Variants in IQSEC1 observed in about 807,000 individuals in gnomAD.
IQSEC1 encodes the protein IQ motif and SEC7 domain-containing protein 1.
In IQSEC1, 31 loss-of-function variants were observed where a neutral mutation model predicts 91.0. The ratio of observed to expected loss-of-function variants is 0.34; its 90% CI spans 0.26 to 0.46. The LOEUF is 0.46. Among genes scored for constraint, IQSEC1 ranks in the 20% least tolerant of loss-of-function variants. The pLI, the probability that IQSEC1 is intolerant of heterozygous loss-of-function variation, is 1.00. For missense variants in IQSEC1, 1,388 were observed against 1,575.6 expected (o/e 0.88, Z 2.02); for synonymous variants, 699 against 662.6 (o/e 1.05, Z -0.84).
intron 1 of IQSEC1, among the ~76,000 whole-genome samples, chr3:13,175,796 G>A (rs1378904311): frequency 2.0e-5 from 3 of 152,234 alleles, no homozygotes; most frequent in Non-Finnish European, 4.4e-5. Context: ...TCCTCATATG[G>A]TGGAAGAGGC....
chr3:13,099,327 G>A (rs1022815786), intron 2 of IQSEC1, among the ~76,000 whole-genome samples: 15 of 152,220 alleles, frequency 9.9e-5, no homozygotes, highest in African/African-American at 3.4e-4. Context: ...ATGAGGTTTC[G>A]GGTGTGCAGG....
At chr3:13,143,404 A>C (rs1706833521) in intron 2 of IQSEC1, among the ~76,000 whole-genome samples, 1 of 152,224 alleles carries the variant, frequency 6.6e-6, no homozygotes, top group African/African-American at 2.4e-5. Flanking sequence ...GTTACACAGA[A>C]GCCAGCGGGT....
intron 1 of IQSEC1, among the ~76,000 whole-genome samples, chr3:12,943,057 T>G (rs1486580098): frequency 2.0e-5 from 3 of 152,172 alleles, no homozygotes; most frequent in Non-Finnish European, 4.4e-5. Flanking sequence ...GTATATACAT[T>G]TTCTCTAAAT....
chr3:13,187,235 A>C (rs76621400), intron 1 of IQSEC1, among the ~76,000 whole-genome samples: 8,785 of 152,232 alleles, frequency 0.058, 296 homozygotes, highest in Middle Eastern at 0.078. Flanking sequence ...AGGAGCTTGC[A>C]GTCTAGCTGG....
intron 2 of IQSEC1, among the ~76,000 whole-genome samples, chr3:13,116,786 T>C (rs1706342622): frequency 6.6e-6 from 1 of 151,504 alleles, no homozygotes; most frequent in Non-Finnish European, 1.5e-5. Context: ...TGAGGTCCTG[T>C]CTCAAAAAAA....
intron 5 of IQSEC1, 115 bp from the exon 6 acceptor site, chr3:12,920,711 G>A (rs1189816294): frequency 2.1e-5 from 23 of 1,107,260 alleles, no homozygotes; most frequent in African/African-American, 3.1e-5. Context: ...TCTGGTGAGC[G>A]AGGATCACAC....
chr3:12,919,762 G>T (rs544225853), intron 6 of IQSEC1, among the ~76,000 whole-genome samples: 1 of 152,204 alleles, frequency 6.6e-6, no homozygotes, highest in Non-Finnish European at 1.5e-5. Flanking sequence ...CCTTCCTTCC[G>T]GGGACCCTGG....
chr3:13,095,706 G>A (rs1015502287), intron 2 of IQSEC1, among the ~76,000 whole-genome samples: 5 of 152,130 alleles, frequency 3.3e-5, no homozygotes, highest in Admixed American at 6.5e-5. Flanking sequence ...TTCCTCAGAG[G>A]ATGCTGAGCA....
chr3:12,902,508 T>C (rs1694431832), intron 13 of IQSEC1, among the ~76,000 whole-genome samples: 1 of 151,414 alleles, frequency 6.6e-6, no homozygotes, highest in African/African-American at 2.4e-5. Context: ...CCACCCCCAC[T>C]GTTGAGTCCA....
chr3:12,967,416 C>CT lies in IQSEC1; in HGVS notation c.24-25552dup. On this transcript the variant is annotated intron_variant, in intron 1 of 13. Coordinates refer to ENST00000613206, the MANE Select transcript of IQSEC1 (RefSeq NM_001134382.3). The surrounding 1 kb of genome is among the most constrained non-coding windows in gnomAD (Gnocchi z 5.9). ...TGTCAAGCTCTAGCTCCAGAAGGGA[C>CT]TGGGTCCTCTCCGAGTTGCAGTGCA... The CT allele has an allele frequency of 6.5e-7, 1 of 1,535,320 alleles. No homozygotes were observed. Among genetic ancestry groups the CT allele is most frequent in the Non-Finnish European group, 8.7e-7 (1 of 1,144,776 alleles).
chr3:13,108,471 T>C (rs1305011417), intron 2 of IQSEC1, among the ~76,000 whole-genome samples: 1 of 152,116 alleles, frequency 6.6e-6, no homozygotes, highest in African/African-American at 2.4e-5. Flanking sequence ...CCACGTCCCA[T>C]TTGTATCTCC....
chr3:12,901,315 G>GC lies in IQSEC1; in HGVS notation c.3012dup (p.Gln1005AlafsTer188). On this transcript the variant is annotated frameshift_variant, in exon 14 of 14. Coordinates refer to ENST00000613206, the MANE Select transcript of IQSEC1 (RefSeq NM_001134382.3). LOFTEE classifies it low-confidence loss of function (END_TRUNC). Reference sequence around the variant, plus strand: ...AGGTGGTGGCCAGCCACAGAGTGCTGCAAGTGAGGCAGGACCACCGGTGGG... The same window carrying GC: ...AGGTGGTGGCCAGCCACAGAGTGCTGCCAAGTGAGGCAGGACCACCGGTGGG... 1 of 1,538,318 alleles carries GC rather than the reference G, an allele frequency of 6.5e-7. No homozygotes were observed. The highest frequency in any genetic ancestry group is 8.8e-7 in the Non-Finnish European group (1 of 1,142,662).
At chr3:13,142,087 T>A (rs1221450963) in intron 2 of IQSEC1, among the ~76,000 whole-genome samples, 1 of 152,248 alleles carries the variant, frequency 6.6e-6, no homozygotes, top group Non-Finnish European at 1.5e-5. Context: ...CACAGTTGTG[T>A]GATCCTGGAT....
chr3:13,217,206 A>G (rs2125069781), intron 1 of IQSEC1, among the ~76,000 whole-genome samples: 1 of 152,316 alleles, frequency 6.6e-6, no homozygotes, highest in Non-Finnish European at 1.5e-5. Context: ...TTACCACCAT[A>G]ATGTTAGATT....
At chr3:13,135,987 G>A (rs1234458177) in intron 2 of IQSEC1, among the ~76,000 whole-genome samples, 1 of 152,216 alleles carries the variant, frequency 6.6e-6, no homozygotes, top group Non-Finnish European at 1.5e-5. Context: ...CTGCTGCGTG[G>A]GACAGTGAGG....
At chr3:13,283,029 GGGCGGCGGCGGCGCGGCCAT>G (rs1235933183) in exon 1 of IQSEC1, among the ~76,000 whole-genome samples, 1 of 145,404 alleles carries the variant, frequency 6.9e-6, no homozygotes, top group Non-Finnish European at 1.5e-5. Flanking sequence ...GCGGGCGGCG[GGGCGGCGGCGGCGCGGCCAT>G]GGCTGCGCGG....
chr3:12,942,041 AGCACCCCACCCACTCG>A (rs775204484), intron 1 of IQSEC1, among the ~76,000 whole-genome samples, 176 bp from the exon 2 acceptor site: 114 of 152,140 alleles, frequency 7.5e-4, no homozygotes, highest in Non-Finnish European at 1.4e-3. Flanking sequence ...CCCTCCACTC[AGCACCCCACCCACTCG>A]GGTTCAGTTT....
chr3:12,973,494 T>C (rs12492009), intron 1 of IQSEC1, among the ~76,000 whole-genome samples: 29,348 of 152,104 alleles, frequency 0.19, 4,196 homozygotes, highest in East Asian at 0.75. Context: ...TGCACCTTCC[T>C]GGTGGTGGGG....
intron 2 of IQSEC1, among the ~76,000 whole-genome samples, chr3:13,114,921 C>T (rs903868320): frequency 6.6e-6 from 1 of 152,084 alleles, no homozygotes; most frequent in Non-Finnish European, 1.5e-5. Flanking sequence ...GTGCGGGAGC[C>T]GGTAGGGCCC....
Sources: gnomAD v4.1 joint callset for allele counts (sites outside exome capture counted in the v4.1 genomes callset) on GRCh38, gnomAD v4.1.1 for gene constraint, Gnocchi (gnomAD v3.1) non-coding constraint, MANE v1.5 for transcripts, NCBI Gene and HGNC (gene_info 2026-07-23, HGNC 2026-07-21) for gene names.